PTPRF: variants seen among roughly 807,000 people sequenced by gnomAD.
The protein encoded by PTPRF is protein tyrosine phosphatase receptor type F.
A neutral mutation model predicts 201.8 loss-of-function variants in PTPRF; 59 were observed. The observed-to-expected ratio is 0.29, with a 90% CI of 0.24 to 0.36. The LOEUF (loss-of-function observed/expected upper bound fraction) is 0.36, where lower values mean the gene tolerates loss of function less well. Ranked by LOEUF, PTPRF falls within the 10% of genes least tolerant of loss-of-function variation. The pLI is 1.00. For synonymous variants in PTPRF, 1,088 were observed against 1,089.7 expected (o/e 1.00, Z 0.03); for missense variants, 2,132 against 2,690.5 (o/e 0.79, Z 4.59).
At chr1:43,526,518 C>T (rs1213686798), upstream of PTPRF, among the ~76,000 whole-genome samples, 2 of 151,938 alleles carry the variant, frequency 1.3e-5, no homozygotes, top group African/African-American at 4.8e-5. Context: ...CACCTCATAC[C>T]TGAGAAAGTA....
rs771619441 is a variant in PTPRF, at chr1:43,617,434, A to G, written c.4072-11A>G. 3 of 1,613,896 alleles carry G rather than the reference A, an allele frequency of 1.9e-6. No individual in the cohort carries two copies. Among genetic ancestry groups the G allele is most frequent in the Non-Finnish European group, 1.7e-6 (2 of 1,179,986 alleles). ...TTACCCCACCCCACCCGCTTTCTCC[A>G]TTCTCTGCAGTCCATCGACCCTGGA... On this transcript the variant is annotated splice_polypyrimidine_tract_variant and intron_variant, in intron 23 of 33. Transcript: ENST00000359947.
chr1:43,569,619 A>G lies in PTPRF; in HGVS notation c.409A>G (p.Ile137Val), dbSNP rs1646433890. The G allele has an allele frequency of 1.2e-6, 2 of 1,610,678 alleles. No individual in the cohort carries two copies. Among genetic ancestry groups the G allele is most frequent in the Non-Finnish European group, 1.7e-6 (2 of 1,177,632 alleles). The change falls in exon 6 of 34, where the codon ATC becomes GTC. Residue 137 changes from isoleucine (I) to valine (V), a missense_variant. Ile to Val is a conservative substitution (Grantham distance 29). Around this residue, in one of 6 missense-constraint regions of PTPRF, gnomAD observed 297 missense variants for 454.0 expected, o/e 0.65. Transcript: ENST00000359947. ...EEQLPPGFPS[I>V]DMGPQLKVVE... The stretch of plus-strand genomic sequence containing the variant: ...ACAGCTGCCCCCTGGGTTCCCTTCC[A>G]TCGACATGGGGCCTCAGCTGAAGGT...
rs1196710575 is a variant in PTPRF at position 43,531,566 on chromosome 1, G to A, written c.-126+476G>A. Among the ~76,000 whole-genome samples, 11 of 148,720 alleles carry A rather than the reference G, an allele frequency of 7.4e-5. No homozygotes were observed. In the East Asian group the frequency reaches 2.0e-3, roughly 27 times the overall value. The stretch of plus-strand genomic sequence containing the variant: ...GCGCCCCCGCCCCCGCCGCACAGGC[G>A]CCCCCTCCCAGCCGGCGGGGGATCC... On this transcript the variant is annotated intron_variant, in intron 1 of 33. Transcript: ENST00000359947.
intron 5 of PTPRF, among the ~76,000 whole-genome samples, chr1:43,565,433 C>T (rs1349471489): frequency 2.0e-5 from 3 of 152,228 alleles, no homozygotes; most frequent in East Asian, 3.9e-4. Flanking sequence ...CCCCACCTTG[C>T]ACACATATCT....
At chr1:43,569,942 A>G (rs1453455243) in intron 6 of PTPRF, among the ~76,000 whole-genome samples, 164 bp downstream of exon 6, 2 of 152,160 alleles carry the variant, frequency 1.3e-5, no homozygotes, top group Non-Finnish European at 2.9e-5. Flanking sequence ...GGCTCAGGGA[A>G]GAGAGCTCGT....
chr1:43,544,035 C>T (rs569912082), intron 2 of PTPRF, among the ~76,000 whole-genome samples: 5 of 152,290 alleles, frequency 3.3e-5, no homozygotes, highest in South Asian at 2.1e-4. Flanking sequence ...ATGTATAGTG[C>T]GGCCATGCTA....
intron 5 of PTPRF, among the ~76,000 whole-genome samples, chr1:43,558,126 G>A (rs1173556722): frequency 8.5e-5 from 13 of 152,194 alleles, no homozygotes. Flanking sequence ...CACAGGGTAC[G>A]AGGAGGGCTG....
upstream of PTPRF, among the ~76,000 whole-genome samples, chr1:43,529,515 C>A (rs1222464490): frequency 2.0e-5 from 3 of 152,190 alleles, no homozygotes; most frequent in Non-Finnish European, 4.4e-5. Context: ...ATCAGAAAGA[C>A]CCCACAGAAG....
At position 43,591,278 on chromosome 1, in the gene PTPRF, G is replaced by A. The variant is rs536262487; in HGVS notation, c.1256G>A (p.Arg419His). The change falls in exon 9 of 34, where the codon CGC becomes CAC. Residue 419 changes from arginine (R) to histidine (H), a missense_variant. By Grantham distance (29) the Arg-to-His change is conservative. Coordinates refer to ENST00000359947, the MANE Select transcript of PTPRF (RefSeq NM_002840.5). Reference sequence around the variant, plus strand: ...CAGGCGCCCTCCAGCCCACCGCGCCGCGTGCAGGCACGCATGCTGAGCGCC... The same window carrying A: ...CAGGCGCCCTCCAGCCCACCGCGCCACGTGCAGGCACGCATGCTGAGCGCC... ...GEQAPSSPPR[R>H]VQARMLSAST... The A allele has an allele frequency of 1.2e-5, 19 of 1,557,818 alleles. No homozygotes were observed. The highest frequency in any genetic ancestry group is 1.9e-4 in the Middle Eastern group (1 of 5,328).
chr1:43,610,192 G>T (rs1206676535), intron 22 of PTPRF, among the ~76,000 whole-genome samples: 4 of 152,150 alleles, frequency 2.6e-5, no homozygotes, highest in African/African-American at 9.7e-5. Flanking sequence ...TGAGCTCTGT[G>T]GTGCCAGGAA....
At chr1:43,614,510 G>C (rs980878916) in intron 23 of PTPRF, among the ~76,000 whole-genome samples, 2 of 152,158 alleles carry the variant, frequency 1.3e-5, no homozygotes, top group African/African-American at 2.4e-5. Flanking sequence ...GCATCCCCAG[G>C]CTGCCCATCT....
intron 6 of PTPRF, among the ~76,000 whole-genome samples, chr1:43,573,531 C>T (rs1210386033): frequency 1.3e-5 from 2 of 152,230 alleles, no homozygotes; most frequent in African/African-American, 2.4e-5. Flanking sequence ...CCTCACCCTG[C>T]TGGCTGGCCC....
Position 43,603,531 on chromosome 1 carries a change from C to T in PTPRF, c.2456C>T (p.Ala819Val). ...SKPKIVTTTG[A>V]VPGRPTMMIS... ...CCCAAAATTGTCACTACAACAGGTGCAGGTGAGTGAGGGGTCAGGACGGAC... is the reference window on the plus strand; with the variant it reads ...CCCAAAATTGTCACTACAACAGGTGTAGGTGAGTGAGGGGTCAGGACGGAC... The change falls in exon 15 of 34, where the codon GCA (alanine) becomes GTA (valine). Residue 819 changes from alanine (A) to valine (V), a missense_variant and splice_region_variant. Physicochemically the swap from Ala to Val is moderately conservative, Grantham distance 64. Around this residue, in one of 6 missense-constraint regions of PTPRF, gnomAD observed 818 missense variants for 915.3 expected, o/e 0.89. Transcript: ENST00000359947. This position sits in a 1 kb window ranked among gnomAD's most constrained non-coding sequence, Gnocchi z 5.8. 1 of 1,613,834 alleles carries T rather than the reference C, an allele frequency of 6.2e-7. No individual in the cohort carries two copies. The highest frequency in any genetic ancestry group is 1.3e-5 in the African/African-American group (1 of 75,024).
At chr1:43,593,011 C>T (rs377725059) in intron 11 of PTPRF, among the ~76,000 whole-genome samples, 3 of 152,214 alleles carry the variant, frequency 2.0e-5, no homozygotes, top group Admixed American at 6.5e-5. Context: ...CGCATCTCGT[C>T]TCCCCATCAC....
intron 2 of PTPRF, among the ~76,000 whole-genome samples, chr1:43,541,408 C>T (rs1159855770): frequency 6.6e-6 from 1 of 152,162 alleles, no homozygotes; most frequent in Non-Finnish European, 1.5e-5. Context: ...ATGGAGGTGA[C>T]ATGGCTTCTG....
intron 3 of PTPRF, among the ~76,000 whole-genome samples, chr1:43,548,726 C>T (rs1293423035): frequency 6.6e-6 from 1 of 152,184 alleles, no homozygotes. Context: ...GGAACAGTCA[C>T]AGGAGCTCAC....
intron 3 of PTPRF, among the ~76,000 whole-genome samples, chr1:43,551,108 T>C (rs899486351): frequency 6.6e-6 from 1 of 151,994 alleles, no homozygotes; most frequent in African/African-American, 2.4e-5. Flanking sequence ...CTCTGGACAC[T>C]GAGTAGAGAA....
intron 11 of PTPRF, among the ~76,000 whole-genome samples, chr1:43,595,741 G>A (rs1652091782): frequency 6.6e-6 from 1 of 152,166 alleles, no homozygotes. Context: ...GCAGATGCAA[G>A]TACGGTGGGG....
rs1369116115 is a variant in PTPRF at position 43,588,743 on chromosome 1, C to A, written c.692C>A (p.Ala231Asp). The change falls in exon 8 of 34, where the codon GCT becomes GAT. Residue 231 changes from alanine (A) to aspartate (D), a missense_variant. By Grantham distance (126) the Ala-to-Asp change is moderately radical. This residue lies in a region of PTPRF where 297 missense variants were observed against 454.0 expected (regional missense o/e 0.65). Transcript: ENST00000359947. The surrounding 1 kb of genome is among the most constrained non-coding windows in gnomAD (Gnocchi z 5.3). The part of the protein sequence containing the change: ...ANLYVRVRRV[A>D]PRFSIPPSSQ... ...CCTCCTCCTGCAGTGCGCCGCGTGG[C>A]TCCTCGTTTCTCCATCCCTCCCAGC... 6.2e-7 allele frequency: 1 copy of A among 1,613,328 alleles called. No homozygotes were observed. Among genetic ancestry groups the A allele is most frequent in the East Asian group, 2.2e-5 (1 of 44,888 alleles).
Sources: allele counts gnomAD v4.1 joint callset (sites outside exome capture counted in the v4.1 genomes callset), GRCh38; gene constraint gnomAD v4.1.1; regional missense constraint gnomAD v4.1.1; non-coding constraint Gnocchi (gnomAD v3.1); transcripts MANE v1.5; gene names NCBI Gene and HGNC (gene_info 2026-07-23, HGNC 2026-07-21).